TPRG1: variants seen among roughly 807,000 people sequenced by gnomAD.
TPRG1 encodes the protein tumor protein p63 regulated 1, also known as tumor protein p63-regulated gene 1 protein.
TPRG1 carries 29 observed loss-of-function variants against 29.3 expected under a neutral mutation model. The ratio of observed to expected loss-of-function variants is 0.99; its 90% CI spans 0.74 to 1.35. The LOEUF (loss-of-function observed/expected upper bound fraction) is 1.35. Among genes scored for constraint, TPRG1 ranks in the 40% most tolerant of loss-of-function variants. The probability of loss-of-function intolerance (pLI) is 0.00; values close to 1 mark genes in which losing one functional copy is unlikely to be tolerated. For synonymous variants in TPRG1, 130 were observed against 116.8 expected (o/e 1.11, Z -0.73); for missense variants, 327 against 335.0 (o/e 0.98, Z 0.19).
At chr3:189,157,145 A>C (rs1726796402) in intron 5 of TPRG1, among the ~76,000 whole-genome samples, 1 of 152,174 alleles carries the variant, frequency 6.6e-6, no homozygotes, top group African/African-American at 2.4e-5. Flanking sequence ...ATGTTTTCAA[A>C]GAGGCTTCAT....
intron 4 of TPRG1, among the ~76,000 whole-genome samples, chr3:189,287,200 G>A (rs1718198281): frequency 6.6e-6 from 1 of 152,100 alleles, no homozygotes; most frequent in Non-Finnish European, 1.5e-5. Flanking sequence ...GAGGCAAAGA[G>A]CTTTCTCCCA....
intron 4 of TPRG1, among the ~76,000 whole-genome samples, chr3:189,061,591 G>GA (rs768874853): frequency 1.1e-4 from 16 of 151,826 alleles, no homozygotes; most frequent in Non-Finnish European, 1.9e-4. Context: ...AAATTCACAA[G>GA]AAAAAAACAA....
Position 189,322,502 on chromosome 3 carries a change from C to A in TPRG1, c.*1682C>A, listed in dbSNP as rs930088577. 2 of 152,466 alleles carry A rather than the reference C, an allele frequency of 1.3e-5. No homozygotes were observed. The highest frequency in any genetic ancestry group is 2.4e-5 in the African/African-American group (1 of 41,382). The allele number at this position is 152,466 out of a possible 1,614,324, so 9.4% of individuals were successfully genotyped here. A position where few individuals can be genotyped will look rare whatever the true frequency, so the allele number is the denominator to read the frequency against. On this transcript the variant is annotated 3_prime_UTR_variant, in exon 6 of 6. Transcript: ENST00000345063. The stretch of plus-strand genomic sequence containing the variant: ...AGACTGTAAAAGGAAATGTTGAAAT[C>A]CATAGCTGTCCTGTCAACAGTAGTG...
intron 4 of TPRG1, among the ~76,000 whole-genome samples, chr3:189,059,514 C>A (rs1251049616): frequency 1.3e-5 from 2 of 151,936 alleles, no homozygotes; most frequent in Non-Finnish European, 2.9e-5. Context: ...ACCGCTTGAA[C>A]CCAAGAGGTG....
intron 4 of TPRG1, among the ~76,000 whole-genome samples, chr3:189,274,379 GA>G (rs1050632639): frequency 2.6e-5 from 4 of 151,538 alleles, no homozygotes; most frequent in African/African-American, 4.8e-5. Flanking sequence ...CCTGGATTGG[GA>G]AAAATGTAAT....
At chr3:189,011,907 G>C (rs1712621201) in intron 3 of TPRG1, among the ~76,000 whole-genome samples, 1 of 152,152 alleles carries the variant, frequency 6.6e-6, no homozygotes, top group South Asian at 2.1e-4. Context: ...GTGAATGGGA[G>C]TTCATTTGTG....
chr3:189,307,181 C>G (rs1043336921), intron 4 of TPRG1, among the ~76,000 whole-genome samples: 6 of 152,278 alleles, frequency 3.9e-5, no homozygotes, highest in East Asian at 1.9e-4. Context: ...CACCACCACA[C>G]CCGGCTAATT....
chr3:189,048,709 T>G (rs1715119754), intron 4 of TPRG1, among the ~76,000 whole-genome samples: 1 of 152,134 alleles, frequency 6.6e-6, no homozygotes, highest in African/African-American at 2.4e-5. Context: ...GAATTTTACC[T>G]CCAGATCGAC....
intron 2 of TPRG1, chr3:189,211,586 G>A (rs1037921049): frequency 2.6e-5 from 4 of 152,114 alleles, no homozygotes; most frequent in African/African-American, 9.7e-5. Context: ...CCTTTCCTCA[G>A]GCTTCCAACC....
At chr3:189,256,130 A>G (rs1711829168) in intron 4 of TPRG1, among the ~76,000 whole-genome samples, 1 of 152,158 alleles carries the variant, frequency 6.6e-6, no homozygotes, top group South Asian at 2.1e-4. Flanking sequence ...GATCTTTCCC[A>G]CTTTGTCCTG....
upstream of TPRG1, among the ~76,000 whole-genome samples, chr3:189,169,405 T>C (rs1486476891): frequency 3.3e-5 from 5 of 152,148 alleles, no homozygotes; most frequent in African/African-American, 9.7e-5. Context: ...CCTCAGATGA[T>C]CCGCTCACCT....
At chr3:189,000,295 T>C (rs710498) in intron 1 of TPRG1, among the ~76,000 whole-genome samples, 148,928 of 152,216 alleles carry the variant, frequency 0.98, 72,934 homozygotes, top group East Asian at 1. Flanking sequence ...TATATTGCAT[T>C]TGTCTTCATC....
intron 1 of TPRG1, among the ~76,000 whole-genome samples, chr3:189,199,216 T>C (rs535399413): frequency 6.6e-6 from 1 of 152,306 alleles, no homozygotes; most frequent in African/African-American, 2.4e-5. Flanking sequence ...ATCACAATCT[T>C]ATTCCTGTGA....
chr3:189,316,116 T>C lies in TPRG1; in HGVS notation c.634-4510T>C, dbSNP rs534051869. On this transcript the variant is annotated intron_variant, in intron 5 of 5. Transcript: ENST00000345063. ...AGTTTAAAGTGCACTTGTGTGTGTG[T>C]GCACATATGTGCATATGTTCAGAGA... Among the ~76,000 whole-genome samples the C allele has an allele frequency of 2.6e-5, 4 of 152,340 alleles. No individual in the cohort carries two copies. In the South Asian group the frequency reaches 8.3e-4, roughly 32 times the overall value.
chr3:189,294,962 C>G (rs1425397783), intron 4 of TPRG1, among the ~76,000 whole-genome samples: 1 of 152,202 alleles, frequency 6.6e-6, no homozygotes, highest in Non-Finnish European at 1.5e-5. Context: ...ATTAACTCCT[C>G]ATTTACATAA....
At chr3:189,316,659 C>A (rs1393080908) in intron 5 of TPRG1, among the ~76,000 whole-genome samples, 2 of 152,180 alleles carry the variant, frequency 1.3e-5, no homozygotes, top group Non-Finnish European at 2.9e-5. Context: ...CGATGTCCCC[C>A]CTGTCCCCAC....
At chr3:189,273,959 G>A (rs1416333698) in intron 4 of TPRG1, among the ~76,000 whole-genome samples, 5 of 152,168 alleles carry the variant, frequency 3.3e-5, no homozygotes, top group Non-Finnish European at 5.9e-5. Flanking sequence ...ATGACTAAGG[G>A]AGTGTCTGCC....
intron 3 of TPRG1, among the ~76,000 whole-genome samples, chr3:189,217,079 CTTTT>C (rs981255346): frequency 6.6e-6 from 1 of 152,080 alleles, no homozygotes; most frequent in Non-Finnish European, 1.5e-5. Context: ...TAGAAATATG[CTTTT>C]TTTGTTTGCT....
intron 1 of TPRG1, among the ~76,000 whole-genome samples, chr3:189,193,507 C>A (rs1285012396): frequency 6.6e-6 from 1 of 152,076 alleles, no homozygotes; most frequent in African/African-American, 2.4e-5. Flanking sequence ...GTTTTCCATA[C>A]ACTTTCCCTT....
Sources: gnomAD v4.1 joint callset for allele counts (sites outside exome capture counted in the v4.1 genomes callset) on GRCh38, gnomAD v4.1.1 for gene constraint, MANE v1.5 for transcripts, NCBI Gene and HGNC (gene_info 2026-07-23, HGNC 2026-07-21) for gene names.